Variants in HK2 observed in about 807,000 individuals in gnomAD.
HK2 encodes the protein hexokinase-2.
A neutral mutation model predicts 92.9 loss-of-function variants in HK2; 42 were observed. The ratio of observed to expected loss-of-function variants is 0.45; its 90% CI spans 0.35 to 0.58. The LOEUF is 0.58. Ranked by LOEUF, HK2 falls within the 20% of genes least tolerant of loss-of-function variation. The probability of loss-of-function intolerance (pLI) is 0.00; values close to 1 mark genes in which losing one functional copy is unlikely to be tolerated. For missense variants in HK2, 978 were observed against 1,245.1 expected (o/e 0.79, Z 3.23); for synonymous variants, 422 against 468.0 (o/e 0.90, Z 1.27).
chr2:74,865,839 A>G (rs542820860), intron 2 of HK2, among the ~76,000 whole-genome samples: 1 of 152,226 alleles, frequency 6.6e-6, no homozygotes, highest in Non-Finnish European at 1.5e-5. Flanking sequence ...GGGTCTGCCT[A>G]GAGCCCGGAG....
At chr2:74,885,637 T>G (rs1359857365) in intron 13 of HK2, 48 bp downstream of exon 13, 1 of 1,211,588 alleles carries the variant, frequency 8.3e-7, no homozygotes, top group Non-Finnish European at 1.2e-6. Context: ...CCTCAATGAT[T>G]GGCCTGGTCT....
intron 1 of HK2, among the ~76,000 whole-genome samples, chr2:74,846,612 G>A (rs530892571): frequency 3.9e-5 from 6 of 152,304 alleles, no homozygotes; most frequent in African/African-American, 1.2e-4. Context: ...GTAGTGGTAG[G>A]TGGTGCATTC....
chr2:74,887,228 T>C (rs1689560610), intron 15 of HK2, among the ~76,000 whole-genome samples: 1 of 152,144 alleles, frequency 6.6e-6, no homozygotes. Context: ...TTGCAAAACA[T>C]GTGTCTAGAA....
intron 3 of HK2, 97 bp from the exon 4 acceptor site, chr2:74,872,203 C>T: frequency 4.7e-6 from 6 of 1,277,370 alleles, no homozygotes; most frequent in Non-Finnish European, 6.8e-6. Context: ...GGGTTTTGCA[C>T]ACATTCAGCT....
rs77825859 is a variant in HK2, at chr2:74,844,678, G to A, written c.64-9615G>A. Among the ~76,000 whole-genome samples, 1,225 of 152,308 alleles carry A rather than the reference G, an allele frequency of 8.0e-3. 14 individuals carry two copies. The highest frequency in any genetic ancestry group is 0.027 in the African/African-American group (1,120 of 41,576). On this transcript the variant is annotated intron_variant, in intron 1 of 17. Transcript: ENST00000290573. ...GCTCAGAGGCAGATTCTGGTCCCTG[G>A]CCTGGGGCTGTCGAGGGGTAGGCAG...
At chr2:74,869,068 C>T (rs991635270) in intron 3 of HK2, among the ~76,000 whole-genome samples, 3 of 150,414 alleles carry the variant, frequency 2.0e-5, no homozygotes, top group African/African-American at 7.3e-5. Context: ...TAGAGGGTAT[C>T]AAGAAAACCT....
intron 1 of HK2, among the ~76,000 whole-genome samples, chr2:74,850,963 G>A (rs1688553095): frequency 6.6e-6 from 1 of 152,350 alleles, no homozygotes; most frequent in Non-Finnish European, 1.5e-5. Context: ...AAGAGGGGAA[G>A]TTTGGGCCAA....
At position 74,874,288 on chromosome 2, in the gene HK2, C is replaced by A; in HGVS notation, c.714C>A (p.Tyr238Ter). The A allele has an allele frequency of 6.2e-7, 1 of 1,614,100 alleles. No homozygotes were observed. The highest frequency in any genetic ancestry group is 8.5e-7 in the Non-Finnish European group (1 of 1,180,028). ...CAGGCACGGGCAGCAACGCCTGCTA[C>A]ATGGAAGAGATGCGCCACATCGACA... ...LIVGTGSNACYMEEMRHIDMV... is the reference protein window; with the variant it reads ...LIVGTGSNAC Residue 238 changes from tyrosine (Y) to a stop codon, truncating the protein, a stop_gained, in exon 7 of 18, where the codon TAC becomes TAA. Coordinates refer to ENST00000290573, the MANE Select transcript of HK2 (RefSeq NM_000189.5). LOFTEE classifies it high-confidence loss of function.
intron 3 of HK2, among the ~76,000 whole-genome samples, chr2:74,869,712 T>C (rs1011468117): frequency 2.6e-5 from 4 of 152,240 alleles, no homozygotes; most frequent in African/African-American, 9.6e-5. Context: ...TGAGCCTTTT[T>C]ATGACAGGAA....
At chr2:74,862,728 G>C (rs59344945) in intron 2 of HK2, among the ~76,000 whole-genome samples, 27 of 152,346 alleles carry the variant, frequency 1.8e-4, no homozygotes, top group African/African-American at 6.3e-4. Context: ...GATAGCCTCA[G>C]TACAGCAGAT....
rs778093713 is a variant in HK2, at chr2:74,880,446, C to A, written c.1447C>A (p.Gln483Lys). 1.7e-5 allele frequency: 28 copies of A among 1,614,104 alleles called. No individual in the cohort carries two copies. Among genetic ancestry groups the A allele is most frequent in the Non-Finnish European group, 2.2e-5 (26 of 1,180,048 alleles). Residue 483 changes from glutamine to lysine, a missense_variant, in exon 10 of 18, where the codon CAG becomes AAG. Coordinates refer to ENST00000290573, the MANE Select transcript of HK2 (RefSeq NM_000189.5). ...TLEHLQLSHD[Q>K]LLEVKRRMKV... ...AGAGCATCTGCAGCTGAGCCATGACCAGCTGCTGGAGGTCAAGAGGAGGAT... is the reference window on the plus strand; with the variant it reads ...AGAGCATCTGCAGCTGAGCCATGACAAGCTGCTGGAGGTCAAGAGGAGGAT...
chr2:74,890,997 TATAAG>T lies in HK2; in HGVS notation c.*59_*63del, dbSNP rs1689664862. On this transcript the variant is annotated 3_prime_UTR_variant, in exon 18 of 18. Transcript: ENST00000290573. ...TCTCTCCTTCTTCCCTGTTTTAAAT[TATAAG>T]ATGTCATCCCCTTGTGTCAGAGACA... 1.9e-6 allele frequency: 3 copies of T among 1,590,844 alleles called. No homozygotes were observed. Among genetic ancestry groups the T allele is most frequent in the Non-Finnish European group, 2.6e-6 (3 of 1,167,922 alleles).
chr2:74,846,728 C>T (rs1171679870), intron 1 of HK2, among the ~76,000 whole-genome samples: 1 of 152,136 alleles, frequency 6.6e-6, no homozygotes, highest in African/African-American at 2.4e-5. Flanking sequence ...GATCATGGCT[C>T]ACTACAGCCT....
rs1688107669 is a variant in HK2 at position 74,834,723 on chromosome 2, GGGGACCCGCTTCCTCCCTACTCC to G, written c.63+84_63+106del. 3.4e-6 allele frequency: 5 copies of G among 1,492,232 alleles called. No individual in the cohort carries two copies. Among genetic ancestry groups the G allele is most frequent in the Admixed American group, 3.4e-5 (2 of 59,552 alleles). The allele number at this position is 1,492,232 out of a possible 1,614,324, so 92.4% of individuals were successfully genotyped here. A position where few individuals can be genotyped will look rare whatever the true frequency, so the allele number is the denominator to read the frequency against. On this transcript the variant is annotated intron_variant, in intron 1 of 17. Coordinates refer to ENST00000290573, the MANE Select transcript of HK2 (RefSeq NM_000189.5). The surrounding 1 kb of genome is among the most constrained non-coding windows in gnomAD (Gnocchi z 4.2). ...CCATCAGTCTCTTCCTCGACCCTGC[GGGGACCCGCTTCCTCCCTACTCC>G]GGGCCTGGGAGCGGAAAAAGTTTGG...
intron 2 of HK2, among the ~76,000 whole-genome samples, chr2:74,857,991 G>T (rs779521422): frequency 1.3e-5 from 2 of 152,160 alleles, no homozygotes; most frequent in Non-Finnish European, 2.9e-5. Flanking sequence ...ACCTTTCTCA[G>T]AACATTCGTT....
intron 1 of HK2, among the ~76,000 whole-genome samples, chr2:74,848,661 C>T (rs1018933621): frequency 8.5e-5 from 13 of 152,200 alleles, no homozygotes; most frequent in Non-Finnish European, 1.9e-4. Context: ...TTTTAAAACC[C>T]TTGAGTACCT....
rs28362992 is a variant in HK2, at chr2:74,867,619, C to T, written c.227-17C>T. 1,911 of 1,612,246 alleles carry T rather than the reference C, an allele frequency of 1.2e-3. 21 individuals are homozygous for T. Among genetic ancestry groups the T allele is most frequent in the South Asian group, 9.1e-3 (831 of 90,968 alleles). On this transcript the variant is annotated splice_polypyrimidine_tract_variant and intron_variant, in intron 2 of 17. Coordinates refer to ENST00000290573, the MANE Select transcript of HK2 (RefSeq NM_000189.5). Reference sequence around the variant, plus strand: ...AATTTTGCCCAAAATTAATAGTGGCCCTTCCTTTCTCTGCAGAACACGGAG... The same window carrying T: ...AATTTTGCCCAAAATTAATAGTGGCTCTTCCTTTCTCTGCAGAACACGGAG...
chr2:74,890,672 C>G, intron 17 of HK2, 125 bp from the exon 18 acceptor site: 9 of 1,082,822 alleles, frequency 8.3e-6, no homozygotes, highest in Admixed American at 1.7e-5. Context: ...TAGCTGTCAT[C>G]CTTCTCCTCT....
In HK2 at chr2:74,856,350, T is replaced by A. The variant is rs978494213; in HGVS notation, c.226+1895T>A. Among the ~76,000 whole-genome samples, 3 of 152,182 alleles carry A rather than the reference T, an allele frequency of 2.0e-5. No homozygotes were observed. The East Asian group carries it at 5.8e-4, about 29-fold the overall frequency. The stretch of plus-strand genomic sequence containing the variant: ...CAGCCTGGACCCAGTGCTGAGGGTA[T>A]GACCTTGCTTAGGATTGTTTCCTGA... On this transcript the variant is annotated intron_variant, in intron 2 of 17. Coordinates refer to ENST00000290573, the MANE Select transcript of HK2 (RefSeq NM_000189.5).
Sources: gnomAD v4.1 joint callset for allele counts (sites outside exome capture counted in the v4.1 genomes callset) on GRCh38, gnomAD v4.1.1 for gene constraint, Gnocchi (gnomAD v3.1) non-coding constraint, MANE v1.5 for transcripts, NCBI Gene and HGNC (gene_info 2026-07-23, HGNC 2026-07-21) for gene names.